Variants in EXOC6B observed in about 807,000 individuals in gnomAD.
EXOC6B encodes the protein SEC15 homolog B.
In EXOC6B, 54 loss-of-function variants were observed where a neutral mutation model predicts 113.5. The observed-to-expected ratio is 0.48, with a 90% CI of 0.38 to 0.60. The LOEUF is 0.60. EXOC6B is among the 20% of genes least tolerant of loss of function. EXOC6B has a pLI of 0.00. For synonymous variants in EXOC6B, 357 were observed against 339.0 expected (o/e 1.05, Z -0.58); for missense variants, 797 against 977.5 (o/e 0.82, Z 2.46).
At chr2:72,717,079 A>C (rs1679666931) in intron 6 of EXOC6B, among the ~76,000 whole-genome samples, 1 of 152,180 alleles carries the variant, frequency 6.6e-6, no homozygotes, top group Non-Finnish European at 1.5e-5. Flanking sequence ...TATTTCTATC[A>C]GGTTTATCAT....
At chr2:72,463,556 A>T (rs1470744567) in intron 18 of EXOC6B, 6 of 152,124 alleles carry the variant, frequency 3.9e-5, no homozygotes. Context: ...GGCGAAAAAA[A>T]CTTGGAATCT....
At chr2:72,452,152 C>T (rs1322133183) in intron 18 of EXOC6B, among the ~76,000 whole-genome samples, 5 of 152,132 alleles carry the variant, frequency 3.3e-5, no homozygotes, top group African/African-American at 4.8e-5. Flanking sequence ...GCACTCCCAA[C>T]ATCATTCTTA....
intron 8 of EXOC6B, among the ~76,000 whole-genome samples, chr2:72,522,726 A>G (rs1701557000): frequency 6.6e-6 from 1 of 152,190 alleles, no homozygotes; most frequent in South Asian, 2.1e-4. Context: ...CATTTAGCCC[A>G]TTCACCAAGA....
chr2:72,272,675 A>G (rs1684567937), intron 20 of EXOC6B, among the ~76,000 whole-genome samples: 2 of 152,176 alleles, frequency 1.3e-5, no homozygotes, highest in Admixed American at 1.3e-4. Context: ...ACAGGAAAAG[A>G]ACACAAGATT....
intron 20 of EXOC6B, among the ~76,000 whole-genome samples, chr2:72,267,842 CA>C (rs1684229465): frequency 6.6e-6 from 1 of 152,038 alleles, no homozygotes; most frequent in Admixed American, 6.6e-5. Flanking sequence ...GTCATCTCAA[CA>C]AATAAAAATC....
At chr2:72,423,966 C>T (rs1269423725) in intron 18 of EXOC6B, among the ~76,000 whole-genome samples, 1 of 152,166 alleles carries the variant, frequency 6.6e-6, no homozygotes, top group Non-Finnish European at 1.5e-5. Context: ...GGAATATATT[C>T]TTTTAATACA....
intron 19 of EXOC6B, among the ~76,000 whole-genome samples, chr2:72,345,104 G>A (rs974664668): frequency 2.6e-5 from 4 of 152,094 alleles, no homozygotes; most frequent in Non-Finnish European, 5.9e-5. Context: ...AGGATGGGTA[G>A]CTATTAGTGT....
intron 6 of EXOC6B, among the ~76,000 whole-genome samples, chr2:72,666,154 C>T (rs994736778): frequency 6.6e-6 from 1 of 152,110 alleles, no homozygotes; most frequent in African/African-American, 2.4e-5. Flanking sequence ...TAAATATATA[C>T]ACACTCCACA....
In EXOC6B at chr2:72,474,025, G is replaced by C. The variant is rs568463293; in HGVS notation, c.1800+6591C>G. 2.0e-5 allele frequency among the ~76,000 whole-genome samples: 3 copies of C among 151,080 alleles called. No homozygotes were observed. In the South Asian group the frequency reaches 6.2e-4, roughly 31 times the overall value. ...TTCATTTATGAAGAATAATTTCGCT[G>C]GATATAGTATGTTTGCCCAACATGT... On this transcript the variant is annotated intron_variant, in intron 17 of 21. Coordinates refer to ENST00000272427, the MANE Select transcript of EXOC6B (RefSeq NM_015189.3).
intron 6 of EXOC6B, among the ~76,000 whole-genome samples, chr2:72,637,849 G>A (rs1379895215): frequency 6.6e-6 from 1 of 150,842 alleles, no homozygotes; most frequent in Non-Finnish European, 1.5e-5. Context: ...AAAACCTCTG[G>A]GATACAGCGA....
In EXOC6B at chr2:72,667,345, C is replaced by T. The variant is rs118124389; in HGVS notation, c.669+50758G>A. Among the ~76,000 whole-genome samples the T allele has an allele frequency of 5.3e-5, 8 of 152,286 alleles. No individual in the cohort carries two copies. In the East Asian group the frequency reaches 9.6e-4, roughly 18 times the overall value. Reference sequence around the variant, plus strand: ...AACACTATTCCTATCAAACTACTAACATCATTTTTCAAATAATTATAAAAA... The same window carrying T: ...AACACTATTCCTATCAAACTACTAATATCATTTTTCAAATAATTATAAAAA... On this transcript the variant is annotated intron_variant, in intron 6 of 21. Coordinates refer to ENST00000272427, the MANE Select transcript of EXOC6B (RefSeq NM_015189.3).
In EXOC6B at chr2:72,406,704, G is replaced by C. The variant is rs143345484; in HGVS notation, c.1981-26834C>G. Among the ~76,000 whole-genome samples the C allele has an allele frequency of 7.4e-3, 1,133 of 152,308 alleles. 9 individuals carry two copies. Among genetic ancestry groups the C allele is most frequent in the Non-Finnish European group, 0.012 (827 of 68,028 alleles). ...GAATCTTTGGGACACATTCAAAGAAGTGTGTAGAGGGAAATTTATAACACT... is the reference window on the plus strand; with the variant it reads ...GAATCTTTGGGACACATTCAAAGAACTGTGTAGAGGGAAATTTATAACACT... On this transcript the variant is annotated intron_variant, in intron 18 of 21. Transcript: ENST00000272427.
rs775961029 is a variant in EXOC6B, at chr2:72,825,943, G to T, written c.-33C>A. On this transcript the variant is annotated 5_prime_UTR_variant, in exon 1 of 22. Transcript: ENST00000272427. The surrounding 1 kb of genome is among the most constrained non-coding windows in gnomAD (Gnocchi z 4.4). ...GGGCGCCCCGCAGCGCGTCCCCTCC[G>T]TCGGCTCGGCTCACCTTTTCCCTGC... The T allele has an allele frequency of 8.7e-6, 14 of 1,607,010 alleles. No homozygotes were observed. The highest frequency in any genetic ancestry group is 1.0e-5 in the Non-Finnish European group (12 of 1,178,612).
intron 1 of EXOC6B, among the ~76,000 whole-genome samples, chr2:72,817,244 C>G (rs1686300870): frequency 6.6e-6 from 1 of 152,144 alleles, no homozygotes; most frequent in Non-Finnish European, 1.5e-5. Context: ...ACAAAGAACA[C>G]TGAGGAATGA....
intron 18 of EXOC6B, among the ~76,000 whole-genome samples, chr2:72,401,647 A>ATATATATATATATATATATG (rs1693317507): frequency 3.0e-4 from 12 of 39,628 alleles, no homozygotes; most frequent in Non-Finnish European, 4.9e-4. Context: ...ACATATATAC[A>ATATATATATATATATATATG]TATATATATA....
intron 8 of EXOC6B, among the ~76,000 whole-genome samples, chr2:72,555,756 C>T (rs1703505258): frequency 6.6e-6 from 1 of 152,132 alleles, no homozygotes; most frequent in African/African-American, 2.4e-5. Flanking sequence ...AAACAATTTT[C>T]CTGCCTCAGC....
intron 8 of EXOC6B, 68 bp downstream of exon 8, chr2:72,559,385 A>G: frequency 8.7e-7 from 1 of 1,153,594 alleles, no homozygotes; most frequent in East Asian, 2.7e-5. Flanking sequence ...AAAACTACCA[A>G]AAGTTGAGAG....
intron 1 of EXOC6B, among the ~76,000 whole-genome samples, chr2:72,805,418 G>A (rs1427360251): frequency 6.6e-6 from 1 of 152,146 alleles, no homozygotes; most frequent in African/African-American, 2.4e-5. Flanking sequence ...TACACTGCCA[G>A]AACTTTGTAT....
At position 72,177,067 on chromosome 2, in the gene EXOC6B, A is replaced by G. The variant is rs996508452; in HGVS notation, c.*2268T>C. On this transcript the variant is annotated 3_prime_UTR_variant, in exon 22 of 22. Coordinates refer to ENST00000272427, the MANE Select transcript of EXOC6B (RefSeq NM_015189.3). ...TCTCTACATACAACTCAGTAGCTGC[A>G]TGTTGTTTTTTGTTAGATAAGGTGA... 1 of 152,102 alleles carries G rather than the reference A, an allele frequency of 6.6e-6. No individual in the cohort carries two copies. The highest frequency in any genetic ancestry group is 6.5e-5 in the Admixed American group (1 of 15,284). 9.4% of individuals were successfully genotyped at this position (152,102 alleles called of 1,614,324 possible).
Sources: allele counts gnomAD v4.1 joint callset (sites outside exome capture counted in the v4.1 genomes callset), GRCh38; gene constraint gnomAD v4.1.1; non-coding constraint Gnocchi (gnomAD v3.1); transcripts MANE v1.5; gene names NCBI Gene and HGNC (gene_info 2026-07-23, HGNC 2026-07-21).